GARNL3: variants seen among roughly 807,000 people sequenced by gnomAD.
GARNL3 encodes GTPase activating Rap/RanGAP domain like 3.
A neutral mutation model predicts 125.0 loss-of-function variants in GARNL3; 63 were observed. The observed-to-expected ratio is 0.50, with a 90% CI of 0.41 to 0.62. The LOEUF (loss-of-function observed/expected upper bound fraction) is 0.62. GARNL3 is among the 20% of genes least tolerant of loss of function. GARNL3 has a pLI of 0.00. For missense variants in GARNL3, 994 were observed against 1,244.0 expected (o/e 0.80, Z 3.02); for synonymous variants, 439 against 457.5 (o/e 0.96, Z 0.52).
At chr9:127,320,828 T>C in intron 6 of GARNL3, 50 bp downstream of exon 6, 2 of 1,256,266 alleles carry the variant, frequency 1.6e-6, no homozygotes, top group Non-Finnish European at 2.3e-6. Context: ...ATTACAGTGT[T>C]AGGATAGAAC....
At chr9:127,350,996 G>T (rs937198560) in intron 17 of GARNL3, among the ~76,000 whole-genome samples, 3 of 152,246 alleles carry the variant, frequency 2.0e-5, no homozygotes, top group African/African-American at 7.2e-5. Context: ...TTAGTCCAGG[G>T]CTCTTTCCAC....
chr9:127,335,180 T>C (rs765489472), intron 9 of GARNL3, 50 bp from the exon 10 acceptor site: 3 of 1,296,670 alleles, frequency 2.3e-6, no homozygotes, highest in South Asian at 2.4e-5. Context: ...AATGCTTTCC[T>C]TTTGGCTCGA....
intron 1 of GARNL3, among the ~76,000 whole-genome samples, chr9:127,234,744 G>C (rs2063080199): frequency 1.3e-5 from 2 of 152,238 alleles, no homozygotes; most frequent in Non-Finnish European, 2.9e-5. Context: ...GGTACCAGCA[G>C]ATTTGGTGTC....
chr9:127,297,008 C>T (rs569362975), intron 2 of GARNL3, among the ~76,000 whole-genome samples: 15 of 152,270 alleles, frequency 9.9e-5, no homozygotes, highest in Middle Eastern at 3.4e-3. Context: ...CTAGGAACCA[C>T]TAACAAAGAC....
At chr9:127,230,288 A>G (rs2062978367) in intron 1 of GARNL3, among the ~76,000 whole-genome samples, 1 of 152,214 alleles carries the variant, frequency 6.6e-6, no homozygotes, top group African/African-American at 2.4e-5. Context: ...TCAGCTTTAA[A>G]TGAACTAATT....
intron 2 of GARNL3, among the ~76,000 whole-genome samples, chr9:127,301,925 CTTTTTTTTTTTTTTTTTTTTT>C (rs754780368): frequency 1.5e-4 from 7 of 45,396 alleles, no homozygotes; most frequent in Non-Finnish European, 1.8e-4. Context: ...ATTGGGAGGA[CTTTTTTTTTTTTTTTTTTTTT>C]TTTTTTTTTT....
At chr9:127,375,982 CAG>C (rs1414473986) in intron 22 of GARNL3, among the ~76,000 whole-genome samples, 3 of 152,154 alleles carry the variant, frequency 2.0e-5, no homozygotes, top group Admixed American at 6.5e-5. Context: ...GTTTGTGAGA[CAG>C]AGTCTTACTC....
chr9:127,252,154 T>C (rs899413323), intron 2 of GARNL3, among the ~76,000 whole-genome samples: 2 of 152,232 alleles, frequency 1.3e-5, no homozygotes, highest in Non-Finnish European at 2.9e-5. Flanking sequence ...CTGTGGAACC[T>C]CCCTGCATGT....
At chr9:127,281,492 G>A (rs1241948159) in intron 1 of GARNL3, among the ~76,000 whole-genome samples, 1 of 152,042 alleles carries the variant, frequency 6.6e-6, no homozygotes, top group Non-Finnish European at 1.5e-5. Flanking sequence ...TTCTATATGC[G>A]CCATGGTGCT....
chr9:127,322,418 A>T (rs1239044730), intron 6 of GARNL3, among the ~76,000 whole-genome samples: 1 of 151,958 alleles, frequency 6.6e-6, no homozygotes, highest in African/African-American at 2.4e-5. Flanking sequence ...AAAAAAAAAA[A>T]GATATAGCAG....
At chr9:127,355,266 T>C (rs761031392) in intron 19 of GARNL3, 31 bp from the exon 20 acceptor site, 16 of 1,602,338 alleles carry the variant, frequency 1.0e-5, no homozygotes, top group Admixed American at 1.7e-5. Context: ...CCGCATGTCA[T>C]GTGTAAGGCA....
intron 24 of GARNL3, chr9:127,386,987 G>T: frequency 2.2e-6 from 1 of 456,598 alleles, no homozygotes; most frequent in Non-Finnish European, 3.9e-6. Context: ...AAGTGGCGGG[G>T]AGTGGAATAC....
At chr9:127,238,741 G>A (rs189758651) in intron 1 of GARNL3, among the ~76,000 whole-genome samples, 1 of 148,440 alleles carries the variant, frequency 6.7e-6, no homozygotes, top group African/African-American at 2.6e-5. Context: ...TGTTCTCTTG[G>A]TGTCTTATTT....
intron 22 of GARNL3, chr9:127,367,425 A>G (rs1039086998): frequency 6.6e-6 from 1 of 152,216 alleles, no homozygotes; most frequent in African/African-American, 2.4e-5. Context: ...TTTATCTCAG[A>G]TATGTTAGAG....
chr9:127,352,216 C>T (rs1237347255), intron 17 of GARNL3, among the ~76,000 whole-genome samples: 1 of 152,184 alleles, frequency 6.6e-6, no homozygotes. Context: ...GGCTCCACAT[C>T]CTGGAGGTGT....
chr9:127,349,036 G>A lies in GARNL3; in HGVS notation c.1543+1G>A, dbSNP rs1830292516. The A allele has an allele frequency of 1.9e-6, 3 of 1,596,808 alleles. No individual in the cohort carries two copies. Among genetic ancestry groups the A allele is most frequent in the African/African-American group, 1.3e-5 (1 of 74,736 alleles). ...GATGCTGGCGTCTTGCTAGTGGATG[G>A]TTAGTGAGTAGCTGCTCCTACAAAT... On this transcript the variant is annotated splice_donor_variant, in intron 17 of 27. Transcript: ENST00000373387. LOFTEE classifies it high-confidence loss of function.
At chr9:127,234,402 C>T (rs748052460) in intron 1 of GARNL3, among the ~76,000 whole-genome samples, 3 of 152,128 alleles carry the variant, frequency 2.0e-5, no homozygotes, top group Non-Finnish European at 2.9e-5. Flanking sequence ...AAGATTTGTC[C>T]TTTACAGTGA....
At chr9:127,377,437 T>G (rs964757045) in intron 22 of GARNL3, among the ~76,000 whole-genome samples, 1 of 152,118 alleles carries the variant, frequency 6.6e-6, no homozygotes, top group Non-Finnish European at 1.5e-5. Context: ...AAAGAAAACA[T>G]GGACCACTGT....
chr9:127,231,715 T>C lies in GARNL3; in HGVS notation c.-29+7377T>C, dbSNP rs534263432. ...TAAGAACTTGTTAGAAATCAGATTC[T>C]CAAGCCTCACCCCAAATCTACTTAG... On this transcript the variant is annotated intron_variant, in intron 1 of 10. Transcript: ENST00000439286. Among the ~76,000 whole-genome samples the C allele has an allele frequency of 2.6e-5, 4 of 152,330 alleles. No homozygotes were observed. The East Asian group carries it at 7.7e-4, about 29-fold the overall frequency.
Sources: allele counts gnomAD v4.1 joint callset (sites outside exome capture counted in the v4.1 genomes callset), GRCh38; gene constraint gnomAD v4.1.1; transcripts MANE v1.5; gene names NCBI Gene and HGNC (gene_info 2026-07-23, HGNC 2026-07-21).